GABRB2: variants seen among roughly 807,000 people sequenced by gnomAD.
The protein encoded by GABRB2 is gamma-aminobutyric acid type A receptor subunit beta2, also known as gamma-aminobutyric acid receptor subunit beta-2.
GABRB2 carries 16 observed loss-of-function variants against 54.7 expected under a neutral mutation model. That is an observed-to-expected ratio of 0.29 (90% CI 0.20 to 0.44). The LOEUF (loss-of-function observed/expected upper bound fraction) is 0.44. Among genes scored for constraint, GABRB2 ranks in the 20% least tolerant of loss-of-function variants. The probability of loss-of-function intolerance (pLI) is 1.00; values close to 1 mark genes in which losing one functional copy is unlikely to be tolerated. For missense variants in GABRB2, 355 were observed against 644.0 expected (o/e 0.55, Z 4.86); for synonymous variants, 244 against 233.8 (o/e 1.04, Z -0.40).
At chr5:161,453,773 AT>A (rs1757862104) in intron 4 of GABRB2, among the ~76,000 whole-genome samples, 2 of 152,180 alleles carry the variant, frequency 1.3e-5, no homozygotes, top group Non-Finnish European at 2.9e-5. Flanking sequence ...ATAGTGGCTC[AT>A]GCCTGTAATC....
intron 5 of GABRB2, among the ~76,000 whole-genome samples, chr5:161,396,020 C>T (rs1306835209): frequency 6.6e-6 from 1 of 151,976 alleles, no homozygotes; most frequent in Non-Finnish European, 1.5e-5. Context: ...CATTCTATAA[C>T]CAAAGAAAAA....
intron 4 of GABRB2, among the ~76,000 whole-genome samples, chr5:161,440,962 T>C (rs556685535): frequency 2.0e-5 from 3 of 152,260 alleles, no homozygotes; most frequent in Non-Finnish European, 4.4e-5. Flanking sequence ...TATACAAAAA[T>C]AAAATCAAAG....
chr5:161,490,495 C>A (rs531746479), intron 3 of GABRB2, among the ~76,000 whole-genome samples: 1 of 151,582 alleles, frequency 6.6e-6, no homozygotes, highest in African/African-American at 2.4e-5. Flanking sequence ...CCAGATTGAA[C>A]CCTTATGAGG....
intron 3 of GABRB2, among the ~76,000 whole-genome samples, chr5:161,466,518 CA>C (rs962010858): frequency 6.6e-6 from 1 of 150,986 alleles, no homozygotes; most frequent in Non-Finnish European, 1.5e-5. Context: ...TAAGACAAAC[CA>C]AAAAAAAGGA....
intron 3 of GABRB2, among the ~76,000 whole-genome samples, chr5:161,493,835 T>C (rs1759147999): frequency 6.6e-6 from 1 of 151,758 alleles, no homozygotes; most frequent in Admixed American, 6.6e-5. Context: ...AAGGAAATTA[T>C]ATTATATTTT....
intron 3 of GABRB2, among the ~76,000 whole-genome samples, chr5:161,496,047 A>C (rs1299264815): frequency 6.6e-6 from 1 of 152,128 alleles, no homozygotes; most frequent in African/African-American, 2.4e-5. Flanking sequence ...AATGGTGACA[A>C]GAACATACCA....
At chr5:161,367,324 G>A (rs1754999279) in intron 5 of GABRB2, among the ~76,000 whole-genome samples, 1 of 152,160 alleles carries the variant, frequency 6.6e-6, no homozygotes, top group Non-Finnish European at 1.5e-5. Flanking sequence ...GGGCTCTTGT[G>A]AAGATAAATG....
intron 5 of GABRB2, among the ~76,000 whole-genome samples, chr5:161,374,236 G>A (rs752044295): frequency 2.0e-5 from 3 of 152,216 alleles, no homozygotes; most frequent in Non-Finnish European, 4.4e-5. Flanking sequence ...GAGCCACCAC[G>A]CCTGGCCCCA....
intron 5 of GABRB2, among the ~76,000 whole-genome samples, chr5:161,343,103 A>G (rs184557670): frequency 6.6e-6 from 1 of 152,232 alleles, no homozygotes; most frequent in Admixed American, 6.5e-5. Flanking sequence ...CTTCTCAGTC[A>G]TAACTCTTTC....
At chr5:161,328,226 A>G (rs1758425834) in intron 8 of GABRB2, among the ~76,000 whole-genome samples, 1 of 152,174 alleles carries the variant, frequency 6.6e-6, no homozygotes, top group Non-Finnish European at 1.5e-5. Flanking sequence ...TGCTTTAGGG[A>G]TGCTACTGCA....
chr5:161,355,321 ATATAT>A (rs1266132834), intron 5 of GABRB2, among the ~76,000 whole-genome samples: 4 of 148,400 alleles, frequency 2.7e-5, no homozygotes, highest in Non-Finnish European at 5.9e-5. Context: ...AATACATTAA[ATATAT>A]TATATAACAT....
intron 3 of GABRB2, among the ~76,000 whole-genome samples, chr5:161,536,987 C>T (rs1358293639): frequency 6.6e-6 from 1 of 152,148 alleles, no homozygotes; most frequent in African/African-American, 2.4e-5. Flanking sequence ...ACCGAAACTC[C>T]TCTTGCTACA....
chr5:161,419,812 C>A (rs921200561), intron 4 of GABRB2, among the ~76,000 whole-genome samples: 2 of 152,108 alleles, frequency 1.3e-5, no homozygotes, highest in Admixed American at 1.3e-4. Context: ...CTGCAAAAGG[C>A]AGGGAGGTAG....
chr5:161,482,881 T>C (rs1375046463), intron 3 of GABRB2, among the ~76,000 whole-genome samples: 2 of 152,082 alleles, frequency 1.3e-5, no homozygotes, highest in Non-Finnish European at 2.9e-5. Flanking sequence ...TTTCACAGAA[T>C]ATTTCCTACC....
chr5:161,487,833 C>T (rs1758974650), intron 3 of GABRB2, among the ~76,000 whole-genome samples: 1 of 151,842 alleles, frequency 6.6e-6, no homozygotes, highest in African/African-American at 2.4e-5. Flanking sequence ...AGAGAACTCT[C>T]CCACTGCTGT....
At chr5:161,316,550 T>C (rs941955866) in intron 9 of GABRB2, among the ~76,000 whole-genome samples, 18 of 152,270 alleles carry the variant, frequency 1.2e-4, no homozygotes, top group Middle Eastern at 3.4e-3. Flanking sequence ...TTTCCCCTTT[T>C]TCTCTTCCTT....
chr5:161,423,634 C>T (rs1756915712), intron 4 of GABRB2, among the ~76,000 whole-genome samples: 1 of 152,130 alleles, frequency 6.6e-6, no homozygotes, highest in Non-Finnish European at 1.5e-5. Flanking sequence ...ATACCTATCT[C>T]TCTCTCTCTC....
intron 3 of GABRB2, among the ~76,000 whole-genome samples, chr5:161,541,548 G>T (rs1342348739): frequency 3.9e-5 from 6 of 152,166 alleles, no homozygotes; most frequent in Non-Finnish European, 8.8e-5. Context: ...AATTGCTGTA[G>T]CTTCTCCATC....
intron 3 of GABRB2, among the ~76,000 whole-genome samples, chr5:161,493,241 AC>A (rs1162531082): frequency 3.3e-5 from 5 of 151,748 alleles, no homozygotes; most frequent in African/African-American, 1.2e-4. Context: ...AAGCTGAGGA[AC>A]ATTTCACAAT....
Sources: gnomAD v4.1 joint callset for allele counts (sites outside exome capture counted in the v4.1 genomes callset) on GRCh38, gnomAD v4.1.1 for gene constraint, MANE v1.5 for transcripts, NCBI Gene and HGNC (gene_info 2026-07-23, HGNC 2026-07-21) for gene names.